The following USP30 variants were observed in gnomAD, a reference collection of about 807,000 sequenced individuals.
USP30 encodes the protein ubiquitin carboxyl-terminal hydrolase 30.
A neutral mutation model predicts 68.2 loss-of-function variants in USP30; 41 were observed. The ratio of observed to expected loss-of-function variants is 0.60; its 90% CI spans 0.47 to 0.78. USP30 has a LOEUF of 0.78. Among genes scored for constraint, USP30 ranks in the 30% least tolerant of loss-of-function variants. USP30 has a pLI of 0.00. For synonymous variants in USP30, 229 were observed against 253.7 expected, an observed-to-expected ratio of 0.90 and a Z score of 0.93; for missense variants, 522 against 649.4, an observed-to-expected ratio of 0.80 and a Z score of 2.13.
intron 3 of USP30, among the ~76,000 whole-genome samples, chr12:109,066,667 AGAGCAC>A (rs2041262699): frequency 6.6e-6 from 1 of 152,050 alleles, no homozygotes; most frequent in Admixed American, 6.6e-5. Flanking sequence ...CCTGGGCGAC[AGAGCAC>A]GACTCTGTTT....
intron 3 of USP30, among the ~76,000 whole-genome samples, chr12:109,036,235 C>T (rs995386651): frequency 3.3e-5 from 5 of 151,928 alleles, no homozygotes; most frequent in Non-Finnish European, 7.4e-5. Flanking sequence ...TTTATTTCCC[C>T]ATGTGGGTTT....
chr12:109,075,595 G>T (rs181469469), intron 7 of USP30, among the ~76,000 whole-genome samples: 1 of 152,100 alleles, frequency 6.6e-6, no homozygotes, highest in African/African-American at 2.4e-5. Flanking sequence ...CAAGTGATCC[G>T]CCTGTCTCGG....
At chr12:109,065,755 C>T (rs1354112099) in intron 3 of USP30, among the ~76,000 whole-genome samples, 1 of 152,214 alleles carries the variant, frequency 6.6e-6, no homozygotes, top group Non-Finnish European at 1.5e-5. Context: ...TAACGTGTAA[C>T]ATCTCAACAC....
intron 4 of USP30, among the ~76,000 whole-genome samples, chr12:109,069,573 G>A (rs2041365225): frequency 6.6e-6 from 1 of 152,234 alleles, no homozygotes; most frequent in South Asian, 2.1e-4. Context: ...CCTGCCTGGG[G>A]TGGGGACTGT....
intron 7 of USP30, among the ~76,000 whole-genome samples, chr12:109,080,715 A>G (rs2041771851): frequency 6.6e-6 from 1 of 152,232 alleles, no homozygotes; most frequent in African/African-American, 2.4e-5. Context: ...CAAACCACAT[A>G]TATGATGGTG....
intron 7 of USP30, among the ~76,000 whole-genome samples, chr12:109,074,817 T>C (rs939959243): frequency 2.6e-5 from 4 of 152,236 alleles, no homozygotes; most frequent in African/African-American, 9.6e-5. Flanking sequence ...ATGCTGTACG[T>C]TAACTCTCCA....
chr12:109,085,674 A>G lies in USP30; in HGVS notation c.1297A>G (p.Thr433Ala), dbSNP rs1160462782. 4 of 1,614,120 alleles carry G rather than the reference A, an allele frequency of 2.5e-6. No homozygotes were observed. Among genetic ancestry groups the G allele is most frequent in the East Asian group, 2.2e-5 (1 of 44,884 alleles). ...TGTGTTCGTATCATTCAGCTCCTCC[A>G]CATACCTCTTCCGGCTGATGGCAGT... ...LPVVPDYSSS[T>A]YLFRLMAVVV... Residue 433 changes from threonine (T) to alanine (A), a missense_variant, in exon 13 of 13, where the codon ACA (threonine) becomes GCA (alanine). Transcript: ENST00000257548.
intron 7 of USP30, among the ~76,000 whole-genome samples, chr12:109,077,535 G>A (rs951783090): frequency 1.3e-5 from 2 of 151,752 alleles, no homozygotes; most frequent in African/African-American, 2.4e-5. Flanking sequence ...TGTCATTTTC[G>A]GCCTTTGTAT....
At chr12:109,079,009 G>A (rs909127561) in intron 7 of USP30, among the ~76,000 whole-genome samples, 5 of 152,066 alleles carry the variant, frequency 3.3e-5, no homozygotes, top group Non-Finnish European at 5.9e-5. Flanking sequence ...TGCTTACACT[G>A]CTTACAAAAT....
chr12:109,057,907 C>T lies in USP30; in HGVS notation c.194-19C>T, dbSNP rs376626837. 6.2e-7 allele frequency: 1 copy of T among 1,608,808 alleles called. No individual in the cohort carries two copies. Among genetic ancestry groups the T allele is most frequent in the Non-Finnish European group, 8.5e-7 (1 of 1,177,772 alleles). On this transcript the variant is annotated intron_variant, in intron 2 of 12. Transcript: ENST00000257548. The stretch of plus-strand genomic sequence containing the variant: ...AAATGTGATATACTGTTCTCTTCTT[C>T]CCCCTGCTTTTTTTTTAGGGCTTGT...
rs1017254624 is a variant in USP30 at position 109,086,759 on chromosome 12, G to A, written c.*828G>A. 9 of 152,258 alleles carry A rather than the reference G, an allele frequency of 5.9e-5. No homozygotes were observed. The highest frequency in any genetic ancestry group is 2.2e-4 in the African/African-American group (9 of 41,460). The allele number at this position is 152,258 out of a possible 1,614,324, so 9.4% of individuals were successfully genotyped here. On this transcript the variant is annotated 3_prime_UTR_variant, in exon 13 of 13. Transcript: ENST00000257548. ...TTTTCTTACACAAGGATCCACTGTG[G>A]ACGGTTACTTTCATCTGTTTATTTA...
intron 3 of USP30, among the ~76,000 whole-genome samples, chr12:109,040,270 A>G (rs903705850): frequency 1.3e-5 from 2 of 152,168 alleles, no homozygotes; most frequent in African/African-American, 4.8e-5. Context: ...CTATTAGGGA[A>G]GCTTGTCAAA....
At chr12:109,044,530 G>A (rs769275853) in intron 3 of USP30, among the ~76,000 whole-genome samples, 62 of 149,632 alleles carry the variant, frequency 4.1e-4, no homozygotes, top group Non-Finnish European at 6.8e-4. Context: ...CTAGCTACTC[G>A]CGAGGCTAGG....
chr12:109,048,838 A>G (rs1245795571), upstream of USP30, among the ~76,000 whole-genome samples: 4 of 152,230 alleles, frequency 2.6e-5, no homozygotes, highest in African/African-American at 9.6e-5. Context: ...CTTGCTTGGC[A>G]TGACCTTAGA....
intron 11 of USP30, among the ~76,000 whole-genome samples, chr12:109,083,670 G>A (rs2041869554): frequency 6.6e-6 from 1 of 152,106 alleles, no homozygotes; most frequent in Admixed American, 6.5e-5. Flanking sequence ...TTTTCTAAAG[G>A]TGTCTCATGT....
intron 3 of USP30, among the ~76,000 whole-genome samples, chr12:109,043,820 T>A (rs1466951564): frequency 6.6e-6 from 1 of 152,146 alleles, no homozygotes. Context: ...CTTTGAAAAA[T>A]TTTATATCTG....
intron 3 of USP30, among the ~76,000 whole-genome samples, chr12:109,041,208 C>T (rs2040562150): frequency 6.6e-6 from 1 of 152,178 alleles, no homozygotes; most frequent in African/African-American, 2.4e-5. Context: ...TCTGTTTTAA[C>T]AGGATGAGGT....
chr12:109,072,776 A>G (rs576409611), intron 6 of USP30, among the ~76,000 whole-genome samples: 13 of 152,354 alleles, frequency 8.5e-5, no homozygotes, highest in African/African-American at 3.1e-4. Context: ...AGTAATAGGA[A>G]CAAATATTTT....
intron 7 of USP30, 106 bp from the exon 8 acceptor site, chr12:109,081,228 G>A (rs2041785811): frequency 9.9e-7 from 1 of 1,008,448 alleles, no homozygotes; most frequent in Admixed American, 2.0e-5. Context: ...CTGTGTTAAT[G>A]TTGGGCATCT....
Sources: allele counts gnomAD v4.1 joint callset (sites outside exome capture counted in the v4.1 genomes callset), GRCh38; gene constraint gnomAD v4.1.1; transcripts MANE v1.5; gene names NCBI Gene and HGNC (gene_info 2026-07-23, HGNC 2026-07-21).